The following NTM variants were observed in gnomAD, a reference collection of about 807,000 sequenced individuals.
NTM encodes neurotrimin, also known as IgLON family member 2.
In NTM, 13 loss-of-function variants were observed where a neutral mutation model predicts 42.1. That is an observed-to-expected ratio of 0.31 (90% CI 0.20 to 0.49). The LOEUF (loss-of-function observed/expected upper bound fraction) is 0.49, where lower values mean the gene tolerates loss of function less well. NTM is among the 20% of genes least tolerant of loss of function. The pLI is 0.99. For synonymous variants in NTM, 187 were observed against 179.2 expected, an observed-to-expected ratio of 1.04 and a Z score of -0.35; for missense variants, 373 against 452.8, an observed-to-expected ratio of 0.82 and a Z score of 1.60.
intron 1 of NTM, among the ~76,000 whole-genome samples, chr11:131,395,274 ATTGCTG>A (rs1944424785): frequency 6.6e-6 from 1 of 152,216 alleles, no homozygotes; most frequent in African/African-American, 2.4e-5. Flanking sequence ...AACTGATATG[ATTGCTG>A]AACAGAAATG....
chr11:131,419,360 T>C (rs1947276789), intron 1 of NTM, among the ~76,000 whole-genome samples: 1 of 152,160 alleles, frequency 6.6e-6, no homozygotes, highest in African/African-American at 2.4e-5. Context: ...ACTACCACAG[T>C]GCACATGATG....
At chr11:131,641,067 C>A (rs538161854) in intron 1 of NTM, among the ~76,000 whole-genome samples, 1 of 152,212 alleles carries the variant, frequency 6.6e-6, no homozygotes, top group Non-Finnish European at 1.5e-5. Context: ...TCTCTCTGTG[C>A]TCATTTGCTA....
At chr11:132,257,088 C>A (rs189749987) in intron 4 of NTM, among the ~76,000 whole-genome samples, 1 of 152,200 alleles carries the variant, frequency 6.6e-6, no homozygotes, top group Non-Finnish European at 1.5e-5. Flanking sequence ...TAAATCAAAG[C>A]GCGCTCTGGC....
At chr11:131,538,008 C>G (rs555780697) in intron 1 of NTM, 2 of 152,256 alleles carry the variant, frequency 1.3e-5, no homozygotes, top group Non-Finnish European at 2.9e-5. Flanking sequence ...TAAGCACATT[C>G]ATTTTGTGAC....
intron 2 of NTM, among the ~76,000 whole-genome samples, chr11:131,918,442 C>A (rs765328428): frequency 6.6e-6 from 1 of 152,150 alleles, no homozygotes; most frequent in Non-Finnish European, 1.5e-5. Flanking sequence ...AGCAGTTTAC[C>A]AGAAGAACCT....
intron 4 of NTM, among the ~76,000 whole-genome samples, chr11:132,277,041 T>A (rs1591685561): frequency 6.6e-6 from 1 of 152,236 alleles, no homozygotes; most frequent in South Asian, 2.1e-4. Flanking sequence ...CTTCTATTTC[T>A]AGCAGTGCTT....
intron 3 of NTM, among the ~76,000 whole-genome samples, chr11:132,160,372 G>A (rs2074030674): frequency 6.6e-6 from 1 of 152,188 alleles, no homozygotes; most frequent in Admixed American, 6.5e-5. Flanking sequence ...CTCACGGTCT[G>A]GTGGGGAAGG....
intron 1 of NTM, among the ~76,000 whole-genome samples, chr11:131,449,216 C>A (rs996254669): frequency 6.6e-6 from 1 of 152,146 alleles, no homozygotes; most frequent in Non-Finnish European, 1.5e-5. Context: ...GTAACTCATG[C>A]ATGAGATTAG....
intron 1 of NTM, among the ~76,000 whole-genome samples, chr11:131,900,934 T>A (rs758651859): frequency 6.6e-5 from 10 of 152,204 alleles, no homozygotes; most frequent in Non-Finnish European, 1.2e-4. Flanking sequence ...TTGGCAAAAA[T>A]TCCTGATACC....
intron 2 of NTM, among the ~76,000 whole-genome samples, chr11:131,990,817 G>T (rs1259406224): frequency 6.6e-6 from 1 of 152,126 alleles, no homozygotes; most frequent in Non-Finnish European, 1.5e-5. Context: ...TTCATCTCCT[G>T]TGAGTCAGGG....
intron 7 of NTM, among the ~76,000 whole-genome samples, chr11:132,325,888 A>T (rs1193966707): frequency 6.6e-6 from 1 of 152,156 alleles, no homozygotes; most frequent in African/African-American, 2.4e-5. Flanking sequence ...GAAACTGGAA[A>T]CCATCATTCT....
rs976049517 is a variant in NTM, at chr11:132,003,814, CTTCAT to C, written c.167+92168_167+92172del. Among the ~76,000 whole-genome samples the C allele has an allele frequency of 2.0e-5, 3 of 152,162 alleles. No individual in the cohort carries two copies. Among genetic ancestry groups the C allele is most frequent in the African/African-American group, 7.2e-5 (3 of 41,452 alleles). ...CTGGACCTGCCACTTACAGAACCAG[CTTCAT>C]TGAGATGTTGTTTAAAATTGATTTC... is the stretch of plus-strand genomic sequence containing the variant. On this transcript the variant is annotated intron_variant, in intron 2 of 8. Transcript: ENST00000683400. This position sits in a 1 kb window ranked among gnomAD's most constrained non-coding sequence, Gnocchi z 6.0.
At chr11:131,772,153 G>C (rs1010955698) in intron 1 of NTM, among the ~76,000 whole-genome samples, 1 of 152,046 alleles carries the variant, frequency 6.6e-6, no homozygotes, top group Non-Finnish European at 1.5e-5. Context: ...CTGCCCTCAG[G>C]GAGCTTGTGA....
intron 1 of NTM, among the ~76,000 whole-genome samples, chr11:131,881,506 ACACCCC>A (rs774592264): frequency 6.6e-5 from 10 of 150,524 alleles, no homozygotes; most frequent in African/African-American, 1.2e-4. Context: ...ACACACACAC[ACACCCC>A]CCAAAGCTTT....
At chr11:132,046,749 G>A (rs2078057660) in intron 2 of NTM, among the ~76,000 whole-genome samples, 2 of 152,162 alleles carry the variant, frequency 1.3e-5, no homozygotes, top group Admixed American at 1.3e-4. Context: ...AGAAAGGCAA[G>A]GGGTCTTTGT....
intron 4 of NTM, among the ~76,000 whole-genome samples, chr11:132,273,268 G>A (rs2093567047): frequency 7.0e-6 from 1 of 143,736 alleles, no homozygotes; most frequent in Admixed American, 6.9e-5. Context: ...GATTCATAGT[G>A]CGTAATCATT....
rs562969911 is a variant in NTM at position 132,325,473 on chromosome 11, T to C, written c.935-4680T>C. 9.9e-5 allele frequency among the ~76,000 whole-genome samples: 15 copies of C among 152,242 alleles called. No individual in the cohort carries two copies. In the East Asian group the frequency reaches 2.5e-3, roughly 25 times the overall value. Reference sequence around the variant, plus strand: ...AAATCAAAACCACAGTGAGATACCATCTCACACCAGTTAGAATGGCAATCA... The same window carrying C: ...AAATCAAAACCACAGTGAGATACCACCTCACACCAGTTAGAATGGCAATCA... On this transcript the variant is annotated intron_variant, in intron 7 of 8. Coordinates refer to ENST00000683400, the MANE Select transcript of NTM (RefSeq NM_001352005.2).
chr11:131,851,738 T>C (rs370530523), intron 1 of NTM, among the ~76,000 whole-genome samples: 2 of 152,060 alleles, frequency 1.3e-5, no homozygotes, highest in East Asian at 1.9e-4. Flanking sequence ...AGTGAACTGC[T>C]TGAGGGTAGG....
chr11:131,894,097 C>T (rs779309341), intron 1 of NTM, among the ~76,000 whole-genome samples: 1 of 152,120 alleles, frequency 6.6e-6, no homozygotes, highest in African/African-American at 2.4e-5. Flanking sequence ...AAGTCAGCAC[C>T]GAACACCTCT....
Sources: gnomAD v4.1 joint callset for allele counts (sites outside exome capture counted in the v4.1 genomes callset) on GRCh38, gnomAD v4.1.1 for gene constraint, Gnocchi (gnomAD v3.1) non-coding constraint, MANE v1.5 for transcripts, NCBI Gene and HGNC (gene_info 2026-07-23, HGNC 2026-07-21) for gene names.